KCNB2: variants seen among roughly 807,000 people sequenced by gnomAD.
The protein encoded by KCNB2 is delayed rectifier potassium channel protein.
Under a neutral mutation model 61.5 loss-of-function variants are expected in KCNB2, and 15 were observed. The observed-to-expected ratio is 0.24, with a 90% CI of 0.16 to 0.38. KCNB2 has a LOEUF of 0.38. Ranked by LOEUF, KCNB2 falls within the 10% of genes least tolerant of loss-of-function variation. The pLI, the probability that KCNB2 is intolerant of heterozygous loss-of-function variation, is 1.00. For missense variants in KCNB2, 828 were observed against 1,125.2 expected (o/e 0.74, Z 3.78); for synonymous variants, 457 against 446.0 (o/e 1.02, Z -0.31).
intron 2 of KCNB2, among the ~76,000 whole-genome samples, chr8:72,670,801 C>T (rs750295823): frequency 6.6e-6 from 1 of 152,162 alleles, no homozygotes; most frequent in Admixed American, 6.6e-5. Context: ...GCCCTAACCA[C>T]GTCCAGCCTC....
intron 2 of KCNB2, among the ~76,000 whole-genome samples, chr8:72,843,432 T>A (rs1274525062): frequency 6.6e-6 from 1 of 152,196 alleles, no homozygotes. Context: ...GGTGGAGAGT[T>A]CTGTAGATGT....
intron 2 of KCNB2, among the ~76,000 whole-genome samples, chr8:72,824,649 C>G (rs2129001384): frequency 6.6e-6 from 1 of 152,236 alleles, no homozygotes; most frequent in African/African-American, 2.4e-5. Context: ...GTAATGAAAC[C>G]AAAGCAATGA....
intron 2 of KCNB2, among the ~76,000 whole-genome samples, chr8:72,836,070 T>C (rs10099670): frequency 0.15 from 22,952 of 152,204 alleles, 2,360 homozygotes; most frequent in African/African-American, 0.29. Context: ...AGATTTTAAG[T>C]TAAAATGTCA....
intron 2 of KCNB2, among the ~76,000 whole-genome samples, chr8:72,788,154 G>A (rs1012338707): frequency 1.3e-5 from 2 of 152,190 alleles, no homozygotes; most frequent in Admixed American, 6.6e-5. Flanking sequence ...TATCAATTTA[G>A]ATATTTTATA....
intron 2 of KCNB2, among the ~76,000 whole-genome samples, chr8:72,913,543 G>A (rs1036828690): frequency 2.0e-5 from 3 of 152,158 alleles, no homozygotes; most frequent in African/African-American, 7.2e-5. Context: ...TAGGTGCAAG[G>A]TCCCTGGAGT....
intron 1 of KCNB2, among the ~76,000 whole-genome samples, chr8:72,558,143 A>G (rs1453089462): frequency 2.0e-5 from 3 of 152,220 alleles, no homozygotes; most frequent in South Asian, 2.1e-4. Flanking sequence ...ATGTTTGTCA[A>G]TTTTAAATAA....
chr8:72,885,662 A>T (rs1805793632), intron 2 of KCNB2, among the ~76,000 whole-genome samples: 1 of 152,086 alleles, frequency 6.6e-6, no homozygotes, highest in South Asian at 2.1e-4. Context: ...TAATTTCTAT[A>T]TTATTTCTAT....
At chr8:72,616,653 CT>C (rs1805623911) in intron 2 of KCNB2, among the ~76,000 whole-genome samples, 1 of 152,198 alleles carries the variant, frequency 6.6e-6, no homozygotes, top group South Asian at 2.1e-4. Flanking sequence ...GTAGCACTGT[CT>C]GAAATTTTCT....
chr8:72,913,670 C>A (rs966446064), intron 2 of KCNB2, among the ~76,000 whole-genome samples: 4 of 152,182 alleles, frequency 2.6e-5, no homozygotes, highest in African/African-American at 9.6e-5. Flanking sequence ...AGCCAAGGGG[C>A]TGATCATTCT....
At chr8:72,786,495 A>G (rs147211837) in intron 2 of KCNB2, among the ~76,000 whole-genome samples, 1 of 152,316 alleles carries the variant, frequency 6.6e-6, no homozygotes, top group East Asian at 1.9e-4. Context: ...GTAAGACTGC[A>G]ATATGAGATT....
chr8:72,753,990 G>T (rs1221532553), intron 2 of KCNB2, among the ~76,000 whole-genome samples: 1 of 152,118 alleles, frequency 6.6e-6, no homozygotes, highest in African/African-American at 2.4e-5. Context: ...CTGCAGTTCA[G>T]GTACTGCCCA....
Position 72,588,249 on chromosome 8 carries a change from G to A in KCNB2, c.579+19936G>A, listed in dbSNP as rs368618526. On this transcript the variant is annotated intron_variant, in intron 2 of 2. Transcript: ENST00000523207. ...TTTTTTTTTTTTGAGACAGAGTTTT[G>A]CACTTGTTGCCCAGGCTGGAGTGCA... 2.3e-4 allele frequency among the ~76,000 whole-genome samples: 27 copies of A among 116,274 alleles called. 1 individual carries two copies. The East Asian group carries it at 6.1e-3, about 26-fold the overall frequency. 76.3% of individuals were successfully genotyped at this position (116,274 alleles called of 152,430 possible). A position where few individuals can be genotyped will look rare whatever the true frequency, so the allele number is the denominator to read the frequency against.
chr8:72,665,697 T>C (rs910294322), intron 2 of KCNB2, among the ~76,000 whole-genome samples: 1 of 120,064 alleles, frequency 8.3e-6, no homozygotes, highest in Non-Finnish European at 1.8e-5. Context: ...CATGTAAGTT[T>C]GTTCTTAAAT....
chr8:72,890,882 G>A (rs1805886074), intron 2 of KCNB2, among the ~76,000 whole-genome samples: 1 of 148,570 alleles, frequency 6.7e-6, no homozygotes, highest in African/African-American at 2.5e-5. Flanking sequence ...GCAATTCATG[G>A]CAGAAAACTG....
chr8:72,562,280 A>C (rs1165662969), intron 1 of KCNB2, among the ~76,000 whole-genome samples: 1 of 151,596 alleles, frequency 6.6e-6, no homozygotes, highest in Non-Finnish European at 1.5e-5. Flanking sequence ...AGTAAACCCC[A>C]CTCCCCCTCC....
At chr8:72,600,399 C>T (rs1223974461) in intron 2 of KCNB2, among the ~76,000 whole-genome samples, 1 of 151,760 alleles carries the variant, frequency 6.6e-6, no homozygotes, top group African/African-American at 2.4e-5. Flanking sequence ...ACAATGAGAA[C>T]ACATGGACAC....
At chr8:72,684,098 C>A (rs547561001) in intron 2 of KCNB2, among the ~76,000 whole-genome samples, 1 of 152,128 alleles carries the variant, frequency 6.6e-6, no homozygotes, top group East Asian at 1.9e-4. Flanking sequence ...GGCCTAAAAA[C>A]GGCATCCTTG....
Position 72,938,298 on chromosome 8 carries a change from AAAAATGACTG to A in KCNB2, c.*210_*219del. 1 of 508,686 alleles carries A rather than the reference AAAAATGACTG, an allele frequency of 2.0e-6. No individual in the cohort carries two copies. Among genetic ancestry groups the A allele is most frequent in the South Asian group, 3.2e-5 (1 of 31,422 alleles). 31.5% of individuals were successfully genotyped at this position (508,686 alleles called of 1,614,324 possible). On this transcript the variant is annotated 3_prime_UTR_variant, in exon 3 of 3. Transcript: ENST00000523207. ...AGACTGCATTTTGTAACAAACCAAC[AAAAATGACTG>A]AAGAACAGTGAACAAATAAAAAGAG...
At chr8:72,906,222 A>G (rs1806174017) in intron 2 of KCNB2, among the ~76,000 whole-genome samples, 1 of 152,190 alleles carries the variant, frequency 6.6e-6, no homozygotes, top group Non-Finnish European at 1.5e-5. Flanking sequence ...GCTCTTTTCC[A>G]CTAAAAACAA....
Sources: gnomAD v4.1 joint callset for allele counts (sites outside exome capture counted in the v4.1 genomes callset) on GRCh38, gnomAD v4.1.1 for gene constraint, MANE v1.5 for transcripts, NCBI Gene and HGNC (gene_info 2026-07-23, HGNC 2026-07-21) for gene names.